HLA-DQA1: variants seen among roughly 807,000 people sequenced by gnomAD.
HLA-DQA1 encodes the protein HLA class II histocompatibility antigen, DQ alpha 1 chain.
A neutral mutation model predicts 20.7 loss-of-function variants in HLA-DQA1; 10 were observed. The ratio of observed to expected loss-of-function variants is 0.48; its 90% confidence interval spans 0.30 to 0.82. The LOEUF (loss-of-function observed/expected upper bound fraction) is 0.82. Among genes scored for constraint, HLA-DQA1 ranks in the 40% least tolerant of loss-of-function variants. The pLI, the probability that HLA-DQA1 is intolerant of heterozygous loss-of-function variation, is 0.07. For synonymous variants in HLA-DQA1, 39 were observed against 109.2 expected (o/e 0.36, Z 4.01); for missense variants, 127 against 293.0 (o/e 0.43, Z 4.14).
Position 32,643,102 on chromosome 6 carries a change from C to T in HLA-DQA1, c.*171C>T, listed in dbSNP as rs142004833. The T allele has an allele frequency of 2.7e-4, 97 of 360,364 alleles. 6 individuals are homozygous for T. In the East Asian group the frequency reaches 4.1e-3, roughly 15 times the overall value. The allele number at this position is 360,364 out of a possible 1,614,324, so 22.3% of individuals were successfully genotyped here. A position where few individuals can be genotyped will look rare whatever the true frequency, so the allele number is the denominator to read the frequency against. On this transcript the variant is annotated 3_prime_UTR_variant, in exon 5 of 5. Coordinates refer to ENST00000343139, the MANE Select transcript of HLA-DQA1 (RefSeq NM_002122.5). The stretch of plus-strand genomic sequence containing the variant: ...TAAGCTGCTATATCCCCTCAGAGCT[C>T]ACAAATGCCTTTACATTCTTTCCCT...
At chr6:32,640,701 T>C (rs34141382) in intron 1 of HLA-DQA1, among the ~76,000 whole-genome samples, 6,549 of 100,840 alleles carry the variant, frequency 0.065, 435 homozygotes, top group East Asian at 0.12. Flanking sequence ...GCATTGTTTA[T>C]TTATTATATA....
At chr6:32,654,236 C>G in the HLA-DQA1 span, among the ~76,000 whole-genome samples, 4,195 of 68,256 alleles carry the variant, frequency 0.061, 872 homozygotes, top group Middle Eastern at 0.16. Flanking sequence ...CCCAGGAAGT[C>G]AAGGCTGCAG....
At position 32,637,479 on chromosome 6, in the gene HLA-DQA1, G is replaced by A. The variant is rs756905853; in HGVS notation, c.21G>A (p.Leu7=). 1.5e-5 allele frequency: 18 copies of A among 1,181,652 alleles called. 5 individuals are homozygous for A. Among genetic ancestry groups the A allele is most frequent in the Non-Finnish European group, 2.1e-5 (18 of 847,408 alleles). The allele number at this position is 1,181,652 out of a possible 1,614,324, so 73.2% of individuals were successfully genotyped here. A position where few individuals can be genotyped will look rare whatever the true frequency, so the allele number is the denominator to read the frequency against. MILNKA[L]LLGALALTTV... is the part of the protein sequence containing the mutation. ...AGAGGATGATCCTAAACAAAGCTCT[G>A]CTGCTGGGGGCCCTCGCTCTGACCA... Residue 7 remains leucine (L), a synonymous_variant, in exon 1 of 5, where the codon CTG becomes CTA. Transcript: ENST00000343139.
chr6:32,642,419 G>A (rs79351547), intron 3 of HLA-DQA1, 166 bp downstream of exon 3: 66,876 of 507,538 alleles, frequency 0.13, 20,417 homozygotes, highest in Admixed American at 0.25. Context: ...GAGATTTATT[G>A]AAAATGAAAG....
the HLA-DQA1 span, among the ~76,000 whole-genome samples, chr6:32,653,119 A>G: frequency 7.0e-6 from 1 of 143,102 alleles, no homozygotes; most frequent in South Asian, 2.3e-4. Context: ...GTCAGCCAGC[A>G]ACATTCCCAG....
At chr6:32,638,135 C>T (rs906075202) in intron 1 of HLA-DQA1, among the ~76,000 whole-genome samples, 2 of 126,762 alleles carry the variant, frequency 1.6e-5, no homozygotes, top group Admixed American at 8.5e-5. Context: ...ATATGTGTCA[C>T]CTCACAAGTA....
At chr6:32,648,865 T>C (rs1561964363), downstream of HLA-DQA1, among the ~76,000 whole-genome samples, 1 of 97,356 alleles carries the variant, frequency 1.0e-5, no homozygotes, top group Non-Finnish European at 2.3e-5. Context: ...GATGACATGA[T>C]TGTATATTTA....
rs1188887885 is a variant in HLA-DQA1, at chr6:32,643,425, AT to A, written c.*497del. The A allele has an allele frequency of 8.7e-6, 2 of 230,198 alleles. No individual in the cohort carries two copies. Among genetic ancestry groups the A allele is most frequent in the Non-Finnish European group, 1.8e-5 (2 of 113,312 alleles). 14.3% of individuals were successfully genotyped at this position (230,198 alleles called of 1,614,324 possible). Reference sequence around the variant, plus strand: ...TACAGTATAGCCTGATAATATGTTGATTTCTTAGCTGACATTAATATTTCTT... The same window carrying A: ...TACAGTATAGCCTGATAATATGTTGATTCTTAGCTGACATTAATATTTCTT... On this transcript the variant is annotated 3_prime_UTR_variant, in exon 5 of 5. Transcript: ENST00000343139.
At chr6:32,649,736 A>C (rs200571810), downstream of HLA-DQA1, among the ~76,000 whole-genome samples, 2 of 95,796 alleles carry the variant, frequency 2.1e-5, 1 homozygote, top group Non-Finnish European at 4.6e-5. Context: ...TAAAAACCCC[A>C]GAAGAAAACC....
intron 1 of HLA-DQA1, among the ~76,000 whole-genome samples, chr6:32,640,903 C>T (rs9272661): frequency 0.28 from 22,266 of 80,620 alleles, 4,971 homozygotes; most frequent in Middle Eastern, 0.44. Flanking sequence ...TGTTATTAAC[C>T]AATGAAAGAA....
At chr6:32,643,772 T>C (rs1781682305), downstream of HLA-DQA1, 1 of 151,704 alleles carries the variant, frequency 6.6e-6, no homozygotes, top group Non-Finnish European at 1.5e-5. Context: ...GGAAAAGAAA[T>C]GGAAGTCAGA....
the HLA-DQA1 span, among the ~76,000 whole-genome samples, chr6:32,655,219 G>A: frequency 7.3e-6 from 1 of 136,522 alleles, no homozygotes; most frequent in East Asian, 2.3e-4. Context: ...TTTTCGAAGT[G>A]TAACATTTTT....
At chr6:32,647,921 A>T (rs1782039470), downstream of HLA-DQA1, among the ~76,000 whole-genome samples, 3 of 152,188 alleles carry the variant, frequency 2.0e-5, no homozygotes, top group Admixed American at 2.0e-4. Context: ...TTGTCTTCAT[A>T]GAAATTACAC....
chr6:32,651,182 C>G (rs1315986649), downstream of HLA-DQA1, among the ~76,000 whole-genome samples: 1 of 87,962 alleles, frequency 1.1e-5, no homozygotes, highest in Non-Finnish European at 2.5e-5. Context: ...CCACCACACC[C>G]GGCCAAAAAA....
rs28383404 is a variant in HLA-DQA1, at chr6:32,640,313, A to T, written c.83-997A>T. On this transcript the variant is annotated intron_variant, in intron 1 of 4. Transcript: ENST00000343139. ...ACCATGCCTGATTGGTGTTTTACAC[A>T]TCTCCGGCTATGTCTGACACTTGTG... is the stretch of plus-strand genomic sequence containing the variant. 6.5e-3 allele frequency among the ~76,000 whole-genome samples: 600 copies of T among 93,012 alleles called. 9 individuals carry two copies. The highest frequency in any genetic ancestry group is 0.022 in the Middle Eastern group (3 of 138). The allele number at this position is 93,012 out of a possible 152,430, so 61.0% of individuals were successfully genotyped here.
In HLA-DQA1 at chr6:32,638,053, A is replaced by G. The variant is rs77660765; in HGVS notation, c.82+513A>G. On this transcript the variant is annotated intron_variant, in intron 1 of 4. Transcript: ENST00000343139. ...AACTGGCACAGGTGGGGAGTGGGTA[A>G]AGGAGTCCAGCAGGCTGAATGCCTT... Among the ~76,000 whole-genome samples the G allele has an allele frequency of 3.2e-3, 428 of 132,366 alleles. 30 individuals are homozygous for G. In the East Asian group the frequency reaches 0.085, roughly 26 times the overall value. The allele number at this position is 132,366 out of a possible 152,430, so 86.8% of individuals were successfully genotyped here.
downstream of HLA-DQA1, among the ~76,000 whole-genome samples, chr6:32,650,859 A>G (rs1380734726): frequency 6.6e-4 from 15 of 22,590 alleles, 6 homozygotes; most frequent in Admixed American, 2.2e-3. Flanking sequence ...TAATAATAAT[A>G]ATAATAATAA....
chr6:32,643,543 A>G lies in HLA-DQA1; in HGVS notation c.*612A>G. 6.2e-6 allele frequency: 1 copy of G among 160,728 alleles called. No homozygotes were observed. The highest frequency in any genetic ancestry group is 1.4e-5 in the Non-Finnish European group (1 of 73,622). The allele number at this position is 160,728 out of a possible 1,614,324, so 10.0% of individuals were successfully genotyped here. A position where few individuals can be genotyped will look rare whatever the true frequency, so the allele number is the denominator to read the frequency against. ...GGATACCGTCTGCCCTTGGCCCAGAATTGTTATAGCAAAAATTTTAGAACC... is the reference window on the plus strand; with the variant it reads ...GGATACCGTCTGCCCTTGGCCCAGAGTTGTTATAGCAAAAATTTTAGAACC... On this transcript the variant is annotated 3_prime_UTR_variant, in exon 5 of 5. Transcript: ENST00000343139.
At chr6:32,648,659 A>G (rs1582019854), downstream of HLA-DQA1, among the ~76,000 whole-genome samples, 1 of 97,140 alleles carries the variant, frequency 1.0e-5, no homozygotes, top group African/African-American at 3.5e-5. Context: ...TTTATGACAA[A>G]CCCACAGCCA....
Sources: allele counts gnomAD v4.1 joint callset (sites outside exome capture counted in the v4.1 genomes callset), GRCh38; gene constraint gnomAD v4.1.1; transcripts MANE v1.5; gene names NCBI Gene and HGNC (gene_info 2026-07-23, HGNC 2026-07-21).